Variants in UBAP2L observed in about 807,000 individuals in gnomAD.
The protein encoded by UBAP2L is ubiquitin associated protein 2 like.
UBAP2L carries 12 observed loss-of-function variants against 130.6 expected under a neutral mutation model. That is an observed-to-expected ratio of 0.09 (90% CI 0.06 to 0.15). The LOEUF (loss-of-function observed/expected upper bound fraction) is 0.15, where lower values mean the gene tolerates loss of function less well. UBAP2L is among the 10% of genes least tolerant of loss of function. The probability of loss-of-function intolerance (pLI) is 1.00; values close to 1 mark genes in which losing one functional copy is unlikely to be tolerated. For missense variants in UBAP2L, 965 were observed against 1,332.5 expected, an observed-to-expected ratio of 0.72 and a Z score of 4.29; for synonymous variants, 503 against 524.7, an observed-to-expected ratio of 0.96 and a Z score of 0.57.
intron 25 of UBAP2L, among the ~76,000 whole-genome samples, 192 bp downstream of exon 25, chr1:154,266,760 A>G (rs1683348219): frequency 6.6e-6 from 1 of 152,170 alleles, no homozygotes; most frequent in African/African-American, 2.4e-5. Flanking sequence ...CCTCTGAGAA[A>G]AAAAACGAGA....
At chr1:154,248,481 G>A (rs375538830) in intron 11 of UBAP2L, among the ~76,000 whole-genome samples, 11 of 152,102 alleles carry the variant, frequency 7.2e-5, no homozygotes, top group East Asian at 3.8e-4. Context: ...AATGGCAAAA[G>A]TAAAATCTTA....
chr1:154,223,231 A>G (rs1312784015), intron 1 of UBAP2L, among the ~76,000 whole-genome samples: 1 of 152,226 alleles, frequency 6.6e-6, no homozygotes, highest in Non-Finnish European at 1.5e-5. Flanking sequence ...TTTCAAGATG[A>G]CTTTTTAATA....
intron 8 of UBAP2L, 119 bp from the exon 9 acceptor site, chr1:154,241,394 T>C (rs531577892): frequency 2.2e-6 from 2 of 902,120 alleles, no homozygotes; most frequent in East Asian, 2.6e-5. Context: ...GGCCTTCTGA[T>C]TACTAAATTT....
chr1:154,246,173 C>T, intron 10 of UBAP2L, 31 bp from the exon 11 acceptor site: 1 of 1,578,606 alleles, frequency 6.3e-7, no homozygotes, highest in Non-Finnish European at 8.7e-7. Flanking sequence ...TTCAGTCATT[C>T]TTCATGAAGA....
At chr1:154,270,874 C>T (rs906647175), downstream of UBAP2L, 8 of 1,542,632 alleles carry the variant, frequency 5.2e-6, no homozygotes, top group African/African-American at 4.1e-5. Flanking sequence ...ATTCTTGCTC[C>T]GTCTAGGACA....
rs1226038871 is a variant in UBAP2L at position 154,242,919 on chromosome 1, TTTTC to T, written c.757-290_757-287del. 3.9e-5 allele frequency: 7 copies of T among 180,076 alleles called. No individual in the cohort carries two copies. In the East Asian group the frequency reaches 9.7e-4, roughly 25 times the overall value. The allele number at this position is 180,076 out of a possible 1,614,324, so 11.2% of individuals were successfully genotyped here. A position where few individuals can be genotyped will look rare whatever the true frequency, so the allele number is the denominator to read the frequency against. On this transcript the variant is annotated intron_variant, in intron 9 of 26. Transcript: ENST00000428931. ...ACTGTAATGGGAAAATATAGAGGGA[TTTTC>T]TTTCTTTTATTTTTTTTTTTTTATG...
intron 8 of UBAP2L, among the ~76,000 whole-genome samples, chr1:154,238,669 C>T (rs1411580736): frequency 1.3e-5 from 2 of 152,146 alleles, no homozygotes; most frequent in Non-Finnish European, 2.9e-5. Flanking sequence ...TGTGACGCCA[C>T]TATCGTCTTG....
chr1:154,220,657 C>A, upstream of UBAP2L: 1 of 561,298 alleles, frequency 1.8e-6, no homozygotes, highest in South Asian at 2.1e-5. Flanking sequence ...GAGCGTCGAG[C>A]GCTCAGACGC....
At chr1:154,239,993 G>C (rs1358199573) in intron 8 of UBAP2L, among the ~76,000 whole-genome samples, 2 of 152,222 alleles carry the variant, frequency 1.3e-5, no homozygotes, top group South Asian at 2.1e-4. Flanking sequence ...CTCTAAGAAA[G>C]AAGATTTTTG....
At chr1:154,270,891 A>G (rs1049347960), downstream of UBAP2L, 45 of 1,548,980 alleles carry the variant, frequency 2.9e-5, no homozygotes, top group Admixed American at 3.9e-5. Flanking sequence ...GACATCCTCA[A>G]TTTCGTCGAT....
intron 26 of UBAP2L, 89 bp downstream of exon 26, chr1:154,269,043 AC>A: frequency 6.9e-7 from 1 of 1,446,126 alleles, no homozygotes; most frequent in Non-Finnish European, 9.5e-7. Context: ...ACCCTTCCTC[AC>A]CACCACCTTC....
intron 11 of UBAP2L, among the ~76,000 whole-genome samples, chr1:154,248,954 T>A (rs1676580551): frequency 6.6e-6 from 1 of 152,198 alleles, no homozygotes; most frequent in South Asian, 2.1e-4. Context: ...ATGTATTAAG[T>A]GCTTTAATTT....
intron 26 of UBAP2L, 117 bp from the exon 27 acceptor site, chr1:154,270,080 ATAG>A (rs1263346338): frequency 3.1e-6 from 4 of 1,276,800 alleles, no homozygotes; most frequent in East Asian, 2.4e-5. Flanking sequence ...TATGGTTCTA[ATAG>A]TAGTGAGGGG....
intron 8 of UBAP2L, among the ~76,000 whole-genome samples, chr1:154,239,650 A>G (rs1332137104): frequency 1.3e-5 from 2 of 152,194 alleles, no homozygotes; most frequent in Middle Eastern, 3.2e-3. Flanking sequence ...TTAGGTGTCT[A>G]CGTTCCTCCT....
At chr1:154,261,376 T>G (rs1449212616) in intron 23 of UBAP2L, among the ~76,000 whole-genome samples, 1 of 152,224 alleles carries the variant, frequency 6.6e-6, no homozygotes, top group African/African-American at 2.4e-5. Flanking sequence ...CATTCCCTGC[T>G]GCCATTGTCC....
In UBAP2L at chr1:154,266,497, C is replaced by G. The variant is rs551650561; in HGVS notation, c.2903-4C>G. ...ATCCTCCTGTCTGTTTCCTCCTCCCCCAGGTGTTTCAGTCACCTCCAGTAA... is the reference window on the plus strand; with the variant it reads ...ATCCTCCTGTCTGTTTCCTCCTCCCGCAGGTGTTTCAGTCACCTCCAGTAA... On this transcript the variant is annotated splice_region_variant and splice_polypyrimidine_tract_variant and intron_variant, in intron 24 of 26. Coordinates refer to ENST00000428931, the MANE Select transcript of UBAP2L (RefSeq NM_014847.4). The G allele has an allele frequency of 7.4e-6, 12 of 1,614,132 alleles. No individual in the cohort carries two copies. In the Admixed American group the frequency reaches 1.3e-4, roughly 18 times the overall value.
chr1:154,220,239 G>A, upstream of UBAP2L: 1 of 1,388,930 alleles, frequency 7.2e-7, no homozygotes, highest in South Asian at 1.2e-5. Context: ...GCCCGGATAG[G>A]CGCAGGTGAG....
intron 10 of UBAP2L, among the ~76,000 whole-genome samples, chr1:154,245,678 G>A (rs1675205056): frequency 1.3e-5 from 2 of 152,144 alleles, no homozygotes. Flanking sequence ...CACTTTGGGA[G>A]GCCAAGGCGG....
intron 24 of UBAP2L, among the ~76,000 whole-genome samples, chr1:154,265,059 G>A (rs1276804985): frequency 6.6e-6 from 1 of 152,202 alleles, no homozygotes; most frequent in East Asian, 1.9e-4. Context: ...ATGCTTCGGA[G>A]ATGAGGAAGT....
Sources: gnomAD v4.1 joint callset for allele counts (sites outside exome capture counted in the v4.1 genomes callset) on GRCh38, gnomAD v4.1.1 for gene constraint, MANE v1.5 for transcripts, NCBI Gene and HGNC (gene_info 2026-07-23, HGNC 2026-07-21) for gene names.